CDH12: variants seen among roughly 807,000 people sequenced by gnomAD.
The protein encoded by CDH12 is cadherin 12.
CDH12 carries 41 observed loss-of-function variants against 74.1 expected under a neutral mutation model. The ratio of observed to expected loss-of-function variants is 0.55; its 90% CI spans 0.43 to 0.72. The LOEUF (loss-of-function observed/expected upper bound fraction) is 0.72. Among genes scored for constraint, CDH12 ranks in the 30% least tolerant of loss-of-function variants. The probability of loss-of-function intolerance (pLI) is 0.00; values close to 1 mark genes in which losing one functional copy is unlikely to be tolerated. For synonymous variants in CDH12, 399 were observed against 355.0 expected (o/e 1.12, Z -1.39); for missense variants, 945 against 977.2 (o/e 0.97, Z 0.44).
intron 3 of CDH12, among the ~76,000 whole-genome samples, chr5:22,254,115 T>C (rs1016918726): frequency 6.6e-6 from 1 of 151,846 alleles, no homozygotes; most frequent in African/African-American, 2.4e-5. Flanking sequence ...GAGCATTTTG[T>C]TGTCCCTTTG....
At chr5:21,941,717 A>C (rs1038687087) in intron 6 of CDH12, among the ~76,000 whole-genome samples, 18 of 152,148 alleles carry the variant, frequency 1.2e-4, no homozygotes, top group Non-Finnish European at 2.2e-4. Context: ...CATACAACGG[A>C]AAGGGAGTTA....
intron 2 of CDH12, among the ~76,000 whole-genome samples, chr5:22,492,503 A>T (rs1746918636): frequency 6.6e-6 from 1 of 151,768 alleles, no homozygotes; most frequent in Admixed American, 6.6e-5. Context: ...ATACACCAAC[A>T]TCCCCAGCTA....
chr5:22,190,355 T>C lies in CDH12; in HGVS notation c.-187+22143A>G, dbSNP rs1750199185. Among the ~76,000 whole-genome samples the C allele has an allele frequency of 3.0e-5, 4 of 133,080 alleles. No homozygotes were observed. In the Admixed American group the frequency reaches 3.2e-4, roughly 11 times the overall value. 87.3% of individuals were successfully genotyped at this position (133,080 alleles called of 152,430 possible). A position where few individuals can be genotyped will look rare whatever the true frequency, so the allele number is the denominator to read the frequency against. On this transcript the variant is annotated intron_variant, in intron 4 of 14. Transcript: ENST00000382254. ...TTTAATTCATGCCTCCATCTGTCTG[T>C]CTGTCTATCTATCTATCTATCTATC...
intron 3 of CDH12, among the ~76,000 whole-genome samples, chr5:22,400,349 G>A (rs1160888266): frequency 1.3e-5 from 2 of 152,106 alleles, no homozygotes; most frequent in Non-Finnish European, 2.9e-5. Context: ...GGATCTTGGA[G>A]TTTGAGTTGA....
intron 5 of CDH12, among the ~76,000 whole-genome samples, chr5:21,988,969 C>T (rs1296615122): frequency 6.6e-6 from 1 of 152,126 alleles, no homozygotes; most frequent in East Asian, 1.9e-4. Flanking sequence ...GAATCCTATA[C>T]ATCTGCGTAT....
intron 6 of CDH12, among the ~76,000 whole-genome samples, chr5:21,877,337 T>C (rs776492000): frequency 2.6e-5 from 4 of 152,206 alleles, no homozygotes; most frequent in Non-Finnish European, 4.4e-5. Flanking sequence ...TCTTGTTTCC[T>C]GTCTCATTTT....
chr5:22,436,811 C>A (rs767789596), intron 2 of CDH12, among the ~76,000 whole-genome samples: 9 of 152,140 alleles, frequency 5.9e-5, no homozygotes, highest in Non-Finnish European at 1.2e-4. Flanking sequence ...CATTCTAACA[C>A]AGAGAGAAGG....
chr5:22,821,629 C>T (rs1749705060), intron 1 of CDH12, among the ~76,000 whole-genome samples: 1 of 151,996 alleles, frequency 6.6e-6, no homozygotes, highest in African/African-American at 2.4e-5. Context: ...CTCCCATTCA[C>T]AATTGCTTCA....
intron 1 of CDH12, among the ~76,000 whole-genome samples, chr5:22,746,588 C>G (rs1383182901): frequency 6.6e-6 from 1 of 152,010 alleles, no homozygotes; most frequent in African/African-American, 2.4e-5. Context: ...GTATTTCTGA[C>G]AGTACGTTTA....
In CDH12 at chr5:22,687,291, T is replaced by TA. The variant is rs535482418; in HGVS notation, c.-523+165766dup. Among the ~76,000 whole-genome samples, 307 of 147,058 alleles carry TA rather than the reference T, an allele frequency of 2.1e-3. 1 individual carries two copies. Among genetic ancestry groups the TA allele is most frequent in the African/African-American group, 7.1e-3 (284 of 40,146 alleles). On this transcript the variant is annotated intron_variant, in intron 1 of 14. Transcript: ENST00000382254. ...CCTGGCAATAGAGTGAAACTCCGTC[T>TA]AAAAAAAAAAGAAAGAAATAAAAAA...
intron 8 of CDH12, among the ~76,000 whole-genome samples, chr5:21,835,136 A>G (rs1169525734): frequency 6.6e-6 from 1 of 151,874 alleles, no homozygotes; most frequent in Non-Finnish European, 1.5e-5. Flanking sequence ...GAGGTGAGAG[A>G]GGCATATAAT....
At chr5:22,459,917 G>T (rs183855188) in intron 2 of CDH12, among the ~76,000 whole-genome samples, 12 of 151,388 alleles carry the variant, frequency 7.9e-5, no homozygotes, top group Non-Finnish European at 1.5e-5. Context: ...GCAGTGAGCC[G>T]AGATCACACC....
At chr5:22,036,375 A>G (rs1739189646) in intron 5 of CDH12, among the ~76,000 whole-genome samples, 1 of 152,188 alleles carries the variant, frequency 6.6e-6, no homozygotes, top group Non-Finnish European at 1.5e-5. Flanking sequence ...CCAGTATGGT[A>G]TGGTAATGAC....
In CDH12 at chr5:22,783,821, A is replaced by C. The variant is rs543791192; in HGVS notation, c.-523+69237T>G. ...ACAATTTGACAATGAGTTGGGGCTC[A>C]AAGCGTCATGGGAGTAAGCAAGATA... On this transcript the variant is annotated intron_variant, in intron 1 of 14. Transcript: ENST00000382254. Among the ~76,000 whole-genome samples, 15 of 152,246 alleles carry C rather than the reference A, an allele frequency of 9.9e-5. No homozygotes were observed. The East Asian group carries it at 2.9e-3, about 29-fold the overall frequency.
intron 4 of CDH12, among the ~76,000 whole-genome samples, chr5:22,163,171 G>A (rs905483708): frequency 6.6e-6 from 1 of 152,016 alleles, no homozygotes; most frequent in African/African-American, 2.4e-5. Context: ...GTGAGCCACC[G>A]CTCCCGGCCC....
intron 1 of CDH12, among the ~76,000 whole-genome samples, chr5:22,732,465 T>TACACAC (rs1267497045): frequency 1.9e-3 from 188 of 96,444 alleles, no homozygotes; most frequent in African/African-American, 6.7e-3. Flanking sequence ...TGTATATATA[T>TACACAC]ATATATACAC....
chr5:22,349,783 G>A (rs545799513), intron 3 of CDH12, among the ~76,000 whole-genome samples: 30 of 152,210 alleles, frequency 2.0e-4, no homozygotes, highest in East Asian at 7.7e-4. Context: ...CGCCCAGGCT[G>A]GAGTGCAGTG....
chr5:22,450,696 TG>T (rs1288262574), intron 2 of CDH12, among the ~76,000 whole-genome samples: 6 of 151,970 alleles, frequency 3.9e-5, no homozygotes, highest in African/African-American at 1.4e-4. Context: ...CATTCAATGT[TG>T]TCTTTCCTCT....
chr5:22,686,869 C>T (rs948074524), intron 1 of CDH12, among the ~76,000 whole-genome samples: 1 of 152,168 alleles, frequency 6.6e-6, no homozygotes, highest in Non-Finnish European at 1.5e-5. Flanking sequence ...CACTATAACG[C>T]TTGCTGTCAT....
Sources: allele counts gnomAD v4.1 joint callset (sites outside exome capture counted in the v4.1 genomes callset), GRCh38; gene constraint gnomAD v4.1.1; transcripts MANE v1.5; gene names NCBI Gene and HGNC (gene_info 2026-07-23, HGNC 2026-07-21).